The following CCDC170 variants were observed in gnomAD, a reference collection of about 807,000 sequenced individuals.
The protein encoded by CCDC170 is coiled-coil domain-containing protein 170.
CCDC170 carries 69 observed loss-of-function variants against 72.6 expected under a neutral mutation model. The ratio of observed to expected loss-of-function variants is 0.95; its 90% confidence interval spans 0.78 to 1.16. CCDC170 has a LOEUF of 1.16. Among genes scored for constraint, CCDC170 ranks in the 50% most tolerant of loss-of-function variants. The pLI is 0.00. For synonymous variants in CCDC170, 300 were observed against 303.9 expected (o/e 0.99, Z 0.13); for missense variants, 852 against 832.5 (o/e 1.02, Z -0.29).
intron 1 of CCDC170, among the ~76,000 whole-genome samples, chr6:151,515,959 G>A (rs534855690): frequency 6.6e-6 from 1 of 151,924 alleles, no homozygotes; most frequent in Non-Finnish European, 1.5e-5. Context: ...CCAGCTACTC[G>A]GGAGGCTGAG....
chr6:151,509,009 C>G (rs1477470598), intron 1 of CCDC170, among the ~76,000 whole-genome samples: 3 of 90,042 alleles, frequency 3.3e-5, no homozygotes, highest in African/African-American at 1.3e-4. Flanking sequence ...GAGCGAAACT[C>G]CTTCTCAAAA....
At chr6:151,612,961 TTTGTTTGC>T (rs1776898382) in intron 9 of CCDC170, among the ~76,000 whole-genome samples, 1 of 152,098 alleles carries the variant, frequency 6.6e-6, no homozygotes, top group South Asian at 2.1e-4. Context: ...CTTTGTTTGC[TTTGTTTGC>T]TCTTTGTCTA....
chr6:151,495,207 C>T (rs1212523390), intron 1 of CCDC170, among the ~76,000 whole-genome samples: 1 of 152,090 alleles, frequency 6.6e-6, no homozygotes, highest in African/African-American at 2.4e-5. Flanking sequence ...TCTCTGATTC[C>T]TGGAATATTT....
intron 3 of CCDC170, among the ~76,000 whole-genome samples, chr6:151,540,883 C>T (rs913715671): frequency 1.3e-5 from 2 of 152,166 alleles, no homozygotes; most frequent in Non-Finnish European, 2.9e-5. Flanking sequence ...CCCCCTGCAG[C>T]CAGAATGATC....
At chr6:151,578,987 T>C (rs1395841208) in intron 6 of CCDC170, among the ~76,000 whole-genome samples, 1 of 152,172 alleles carries the variant, frequency 6.6e-6, no homozygotes, top group Non-Finnish European at 1.5e-5. Context: ...ATGACTTTAC[T>C]TCTAAAAACC....
intron 1 of CCDC170, among the ~76,000 whole-genome samples, chr6:151,519,180 G>A (rs1782281185): frequency 6.6e-6 from 1 of 152,090 alleles, no homozygotes; most frequent in African/African-American, 2.4e-5. Context: ...TATCTCAACT[G>A]CATAAGACAG....
At chr6:151,537,511 C>T (rs899825390) in intron 2 of CCDC170, among the ~76,000 whole-genome samples, 5 of 152,088 alleles carry the variant, frequency 3.3e-5, no homozygotes, top group Admixed American at 6.6e-5. Flanking sequence ...TATATAAATC[C>T]TATAAGGGTT....
chr6:151,544,509 T>C, intron 3 of CCDC170, 63 bp from the exon 4 acceptor site: 1 of 1,474,146 alleles, frequency 6.8e-7, no homozygotes. Context: ...TATTCTGACT[T>C]GGTTTGATGA....
intron 1 of CCDC170, among the ~76,000 whole-genome samples, chr6:151,528,003 T>A (rs1407921757): frequency 6.6e-6 from 1 of 152,202 alleles, no homozygotes; most frequent in African/African-American, 2.4e-5. Flanking sequence ...TACTAAATTA[T>A]GAATAAGCTT....
chr6:151,535,792 C>A (rs1159228986), intron 1 of CCDC170, among the ~76,000 whole-genome samples: 1 of 151,996 alleles, frequency 6.6e-6, no homozygotes, highest in African/African-American at 2.4e-5. Context: ...ATTGGCTGGG[C>A]TGGGGTGCAG....
chr6:151,609,937 A>G (rs1002402989), intron 9 of CCDC170, among the ~76,000 whole-genome samples: 2 of 152,256 alleles, frequency 1.3e-5, no homozygotes, highest in Non-Finnish European at 2.9e-5. Flanking sequence ...ATGAGCTTCT[A>G]GACCTCCAAG....
intron 1 of CCDC170, among the ~76,000 whole-genome samples, chr6:151,506,697 G>T (rs1332365655): frequency 1.3e-5 from 2 of 152,164 alleles, no homozygotes; most frequent in African/African-American, 4.8e-5. Flanking sequence ...TTTATGTATT[G>T]CTGGGAAGTT....
intron 5 of CCDC170, among the ~76,000 whole-genome samples, chr6:151,552,380 G>A (rs554091156): frequency 6.6e-6 from 1 of 152,064 alleles, no homozygotes; most frequent in Non-Finnish European, 1.5e-5. Context: ...TGTTCCCTCT[G>A]ACTTTACCTA....
chr6:151,519,521 A>G (rs559561375), intron 1 of CCDC170, among the ~76,000 whole-genome samples: 47 of 152,278 alleles, frequency 3.1e-4, no homozygotes, highest in African/African-American at 1.1e-3. Context: ...GGTAATGTAC[A>G]CTCTCAGCTT....
At chr6:151,582,403 T>A (rs2115100729) in intron 6 of CCDC170, among the ~76,000 whole-genome samples, 1 of 152,340 alleles carries the variant, frequency 6.6e-6, no homozygotes, top group African/African-American at 2.4e-5. Flanking sequence ...TCACCTCTCT[T>A]AGGCTTCATA....
At chr6:151,555,676 T>A (rs1782962370) in intron 5 of CCDC170, among the ~76,000 whole-genome samples, 1 of 152,240 alleles carries the variant, frequency 6.6e-6, no homozygotes, top group Non-Finnish European at 1.5e-5. Context: ...AAGTCAGGAT[T>A]AGAGTCTCTA....
chr6:151,572,657 T>TTTTTTGTTTTG (rs1268484012), intron 5 of CCDC170, among the ~76,000 whole-genome samples: 22 of 136,310 alleles, frequency 1.6e-4, no homozygotes, highest in African/African-American at 2.8e-4. Flanking sequence ...GTGTTTTTTT[T>TTTTTTGTTTTG]TTTTTTTTTT....
rs757486543 is a variant in CCDC170, at chr6:151,596,426, C to A, written c.1559C>A (p.Ala520Glu). 3 of 1,614,160 alleles carry A rather than the reference C, an allele frequency of 1.9e-6. No individual in the cohort carries two copies. Among genetic ancestry groups the A allele is most frequent in the Non-Finnish European group, 2.5e-6 (3 of 1,180,028 alleles). ...GCCCAGCTGGAGGAGGAGAAGCAGG[C>A]ACGCACGGCCTTGGTGGTTGAGAGG... The part of the protein sequence containing the change: ...KIAQLEEEKQ[A>E]RTALVVERDN... Residue 520 changes from alanine (A) to glutamate (E), a missense_variant, in exon 9 of 11, where the codon GCA becomes GAA. Ala to Glu is a moderately radical substitution (Grantham distance 107, BLOSUM62 -1). Coordinates refer to ENST00000239374, the MANE Select transcript of CCDC170 (RefSeq NM_025059.4).
At chr6:151,567,193 A>G (rs1217862764) in intron 5 of CCDC170, among the ~76,000 whole-genome samples, 1 of 152,182 alleles carries the variant, frequency 6.6e-6, no homozygotes, top group African/African-American at 2.4e-5. Context: ...TGCTGGGATT[A>G]CAGGCGTGAG....
Sources: allele counts gnomAD v4.1 joint callset (sites outside exome capture counted in the v4.1 genomes callset), GRCh38; gene constraint gnomAD v4.1.1; transcripts MANE v1.5; gene names NCBI Gene and HGNC (gene_info 2026-07-23, HGNC 2026-07-21).